QTMAN: variants seen among roughly 807,000 people sequenced by gnomAD.
The protein encoded by QTMAN is queuosine-tRNA mannosyltransferase.
the QTMAN span, among the ~76,000 whole-genome samples, chr2:144,079,913 T>G: frequency 6.6e-6 from 1 of 152,106 alleles, no homozygotes; most frequent in African/African-American, 2.4e-5. Flanking sequence ...TATTGGAATG[T>G]TTTAAAAGAA....
At chr2:144,084,108 A>C in the QTMAN span, among the ~76,000 whole-genome samples, 2 of 152,304 alleles carry the variant, frequency 1.3e-5, no homozygotes, top group African/African-American at 4.8e-5. Flanking sequence ...ATTCCAGTCA[A>C]AGGTCCAAAC....
the QTMAN span, among the ~76,000 whole-genome samples, chr2:144,085,601 G>A: frequency 6.6e-6 from 1 of 152,156 alleles, no homozygotes; most frequent in Non-Finnish European, 1.5e-5. Flanking sequence ...CTACTAGAGG[G>A]AAAATTGAGA....
the QTMAN span, among the ~76,000 whole-genome samples, chr2:144,215,737 T>G: frequency 1.3e-5 from 2 of 152,196 alleles, no homozygotes; most frequent in African/African-American, 4.8e-5. Context: ...TGGCAGCATA[T>G]TTATGAATCA....
At chr2:144,292,357 A>C in the QTMAN span, among the ~76,000 whole-genome samples, 7 of 152,084 alleles carry the variant, frequency 4.6e-5, no homozygotes, top group Non-Finnish European at 8.8e-5. Context: ...CCTTTTCCCA[A>C]ATCTTCCCCC....
At chr2:144,042,148 A>G in the QTMAN span, among the ~76,000 whole-genome samples, 1 of 152,110 alleles carries the variant, frequency 6.6e-6, no homozygotes, top group Non-Finnish European at 1.5e-5. Context: ...TTTTGCCAGT[A>G]TGATTGATAT....
chr2:144,312,555 GC>G, the QTMAN span, among the ~76,000 whole-genome samples: 2 of 152,104 alleles, frequency 1.3e-5, no homozygotes, highest in African/African-American at 4.8e-5. Context: ...CTCGACTGAC[GC>G]CAGTCATTCT....
At chr2:144,075,922 A>T in the QTMAN span, among the ~76,000 whole-genome samples, 1 of 152,204 alleles carries the variant, frequency 6.6e-6, no homozygotes, top group East Asian at 1.9e-4. Flanking sequence ...ATGATAGGCA[A>T]CTGCTCTGTC....
chr2:144,040,478 T>C, the QTMAN span, among the ~76,000 whole-genome samples: 6 of 152,172 alleles, frequency 3.9e-5, no homozygotes, highest in African/African-American at 1.4e-4. Context: ...ACTATAAGTT[T>C]GTTTTTTAAG....
At chr2:144,132,527 T>C in the QTMAN span, among the ~76,000 whole-genome samples, 2 of 152,216 alleles carry the variant, frequency 1.3e-5, no homozygotes, top group East Asian at 3.9e-4. Context: ...ATGAATATCA[T>C]AGCCGCTGGG....
chr2:144,026,974 A>G, the QTMAN span, among the ~76,000 whole-genome samples: 15 of 152,224 alleles, frequency 9.9e-5, no homozygotes, highest in African/African-American at 3.6e-4. Flanking sequence ...AACTATTTCA[A>G]TTAAAAAATA....
chr2:144,323,441 G>A, the QTMAN span, among the ~76,000 whole-genome samples: 1 of 152,092 alleles, frequency 6.6e-6, no homozygotes, highest in East Asian at 1.9e-4. Context: ...TGATTACTAG[G>A]TACAGTTGGG....
At chr2:144,205,261 T>C in the QTMAN span, among the ~76,000 whole-genome samples, 2 of 152,236 alleles carry the variant, frequency 1.3e-5, no homozygotes, top group African/African-American at 4.8e-5. Flanking sequence ...CAGCCATTTA[T>C]GGCAATCCAG....
chr2:143,960,473 A>G, the QTMAN span, among the ~76,000 whole-genome samples: 9 of 152,152 alleles, frequency 5.9e-5, no homozygotes, highest in African/African-American at 2.2e-4. Flanking sequence ...GGTAGCTGAA[A>G]CCATATCAGG....
chr2:144,019,187 G>A, the QTMAN span, among the ~76,000 whole-genome samples: 11 of 152,044 alleles, frequency 7.2e-5, no homozygotes, highest in Non-Finnish European at 1.0e-4. Context: ...TTCCAGATAC[G>A]GCTTGAATGG....
the QTMAN span, among the ~76,000 whole-genome samples, chr2:144,267,273 G>A: frequency 1.3e-5 from 2 of 152,178 alleles, no homozygotes; most frequent in Non-Finnish European, 2.9e-5. Context: ...AATGGAATAA[G>A]TAAACGCCTA....
the QTMAN span, among the ~76,000 whole-genome samples, chr2:144,227,630 C>G: frequency 6.6e-6 from 1 of 152,138 alleles, no homozygotes; most frequent in Non-Finnish European, 1.5e-5. Flanking sequence ...TTCCTGTCCT[C>G]AGACATGGAA....
At chr2:143,949,604 A>C in the QTMAN span, among the ~76,000 whole-genome samples, 42 of 151,908 alleles carry the variant, frequency 2.8e-4, no homozygotes, top group Admixed American at 1.4e-3. Context: ...ATGTTTTATA[A>C]AAGCAAAACA....
At chr2:144,101,163 C>T in the QTMAN span, among the ~76,000 whole-genome samples, 3 of 152,040 alleles carry the variant, frequency 2.0e-5, no homozygotes, top group Admixed American at 6.6e-5. Context: ...CCACCGTGCC[C>T]GGCCCATTTA....
At chr2:144,055,867 G>T in the QTMAN span, among the ~76,000 whole-genome samples, 6 of 152,136 alleles carry the variant, frequency 3.9e-5, no homozygotes, top group Non-Finnish European at 7.3e-5. Context: ...AGTTCATCAA[G>T]CGGCAAAGTG....
Sources: allele counts gnomAD v4.1 joint callset (sites outside exome capture counted in the v4.1 genomes callset), GRCh38; gene constraint gnomAD v4.1.1; transcripts MANE v1.5; gene names NCBI Gene and HGNC (gene_info 2026-07-23, HGNC 2026-07-21).